Variants in APBA2 observed in about 807,000 individuals in gnomAD.
The protein encoded by APBA2 is amyloid beta precursor protein binding family A member 2.
Under a neutral mutation model 75.0 loss-of-function variants are expected in APBA2, and 30 were observed. The observed-to-expected ratio is 0.40, with a 90% CI of 0.30 to 0.54. The LOEUF is 0.54. Ranked by LOEUF, APBA2 falls within the 20% of genes least tolerant of loss-of-function variation. The pLI is 0.49. For synonymous variants in APBA2, 444 were observed against 409.6 expected (o/e 1.08, Z -1.01); for missense variants, 801 against 1,016.1 (o/e 0.79, Z 2.88).
chr15:28,903,285 C>T (rs1185558144), intron 1 of APBA2, among the ~76,000 whole-genome samples: 1 of 152,180 alleles, frequency 6.6e-6, no homozygotes, highest in African/African-American at 2.4e-5. Context: ...ATATTGGTCA[C>T]GATAGACGAT....
chr15:28,946,972 G>C (rs911910069), intron 2 of APBA2, among the ~76,000 whole-genome samples: 1 of 152,206 alleles, frequency 6.6e-6, no homozygotes, highest in South Asian at 2.1e-4. Flanking sequence ...AGCAGCCATA[G>C]GAAGCTAACA....
intron 4 of APBA2, among the ~76,000 whole-genome samples, chr15:29,069,036 C>A (rs1427856677): frequency 6.6e-6 from 1 of 152,172 alleles, no homozygotes; most frequent in African/African-American, 2.4e-5. Flanking sequence ...CGCCCCCAGC[C>A]CCCACAGTGA....
At chr15:29,114,135 C>A in intron 14 of APBA2, 119 bp downstream of exon 14, 1 of 1,437,666 alleles carries the variant, frequency 7.0e-7, no homozygotes, top group Non-Finnish European at 9.7e-7. Context: ...CAGGCTGTGT[C>A]TCCCATCGGG....
chr15:28,977,006 T>A (rs1215473114), intron 2 of APBA2: 1 of 152,224 alleles, frequency 6.6e-6, no homozygotes, highest in Non-Finnish European at 1.5e-5. Context: ...TTAAAGTCTA[T>A]TCACAATGAG....
chr15:28,897,668 G>T (rs2032589978), intron 1 of APBA2, among the ~76,000 whole-genome samples: 1 of 151,502 alleles, frequency 6.6e-6, no homozygotes, highest in Non-Finnish European at 1.5e-5. Context: ...GCAGGTGTCG[G>T]TGAGGATGTG....
chr15:28,970,029 C>T (rs2036981973), intron 2 of APBA2, among the ~76,000 whole-genome samples: 1 of 152,174 alleles, frequency 6.6e-6, no homozygotes, highest in Admixed American at 6.5e-5. Context: ...TCAGACTGGA[C>T]AGCTTGGCCT....
At chr15:29,001,493 G>C (rs1319974989) in intron 3 of APBA2, among the ~76,000 whole-genome samples, 1 of 152,222 alleles carries the variant, frequency 6.6e-6, no homozygotes, top group East Asian at 1.9e-4. Context: ...TTACAGGCAT[G>C]AGCCACTGCC....
intron 3 of APBA2, among the ~76,000 whole-genome samples, chr15:29,002,515 C>A (rs991178979): frequency 7.9e-5 from 12 of 151,620 alleles, no homozygotes; most frequent in African/African-American, 2.2e-4. Flanking sequence ...CATAAGAAAC[C>A]CTCATTACAA....
chr15:28,933,967 A>G (rs990961032), intron 2 of APBA2, among the ~76,000 whole-genome samples: 3 of 151,774 alleles, frequency 2.0e-5, no homozygotes, highest in Non-Finnish European at 4.4e-5. Flanking sequence ...CCCAGGAGAA[A>G]GGGGGGCATG....
At chr15:28,956,563 A>C (rs1232644679) in intron 2 of APBA2, among the ~76,000 whole-genome samples, 3 of 152,250 alleles carry the variant, frequency 2.0e-5, no homozygotes, top group Non-Finnish European at 4.4e-5. Context: ...AAAATTGTGT[A>C]AAATACACAT....
At chr15:29,115,494 G>C (rs988465468) in intron 14 of APBA2, among the ~76,000 whole-genome samples, 1 of 152,090 alleles carries the variant, frequency 6.6e-6, no homozygotes, top group Admixed American at 6.5e-5. Context: ...GCTTTGAAGC[G>C]GCCGCCCCCA....
intron 5 of APBA2, 35 bp downstream of exon 5, chr15:29,075,036 A>T: frequency 6.7e-7 from 1 of 1,488,438 alleles, no homozygotes; most frequent in Non-Finnish European, 9.3e-7. Context: ...TCTGGGCTGG[A>T]ACACTCATCT....
chr15:28,974,390 T>C (rs533166285), intron 2 of APBA2, among the ~76,000 whole-genome samples: 1 of 152,216 alleles, frequency 6.6e-6, no homozygotes, highest in Non-Finnish European at 1.5e-5. Context: ...TTCCAGGACA[T>C]TGTGACTGCC....
chr15:28,987,725 G>GATATATAT (rs1469936230), intron 2 of APBA2, among the ~76,000 whole-genome samples: 1,189 of 118,374 alleles, frequency 0.01, 49 homozygotes, highest in African/African-American at 0.042. Context: ...AATATGTGGA[G>GATATATAT]AGAGATATAT....
chr15:29,053,773 G>A, intron 3 of APBA2, 72 bp from the exon 4 acceptor site: 1 of 936,892 alleles, frequency 1.1e-6, no homozygotes, highest in Non-Finnish European at 1.6e-6. Context: ...AGGTGCTGTG[G>A]TGAAGTGGCC....
chr15:28,911,581 T>G (rs2033431276), intron 1 of APBA2, among the ~76,000 whole-genome samples: 1 of 152,236 alleles, frequency 6.6e-6, no homozygotes, highest in African/African-American at 2.4e-5. Flanking sequence ...TGTGTTCTTT[T>G]TCTTTGTTCA....
At chr15:29,035,678 A>T (rs927196958) in intron 3 of APBA2, among the ~76,000 whole-genome samples, 2 of 152,134 alleles carry the variant, frequency 1.3e-5, no homozygotes, top group Non-Finnish European at 2.9e-5. Flanking sequence ...GTGGTGTTCC[A>T]CGTTCGAAGC....
At chr15:28,947,795 T>A (rs150183836) in intron 2 of APBA2, among the ~76,000 whole-genome samples, 21 of 152,366 alleles carry the variant, frequency 1.4e-4, no homozygotes, top group African/African-American at 4.8e-4. Flanking sequence ...TTTTACTCAG[T>A]ACCAGGACTA....
chr15:29,098,450 T>C (rs762834143), intron 8 of APBA2, 40 bp from the exon 9 acceptor site: 1 of 1,433,008 alleles, frequency 7.0e-7, no homozygotes, highest in Non-Finnish European at 9.9e-7. Flanking sequence ...CTATTCCGAG[T>C]TGGTTTTTGG....
Sources: gnomAD v4.1 joint callset for allele counts (sites outside exome capture counted in the v4.1 genomes callset) on GRCh38, gnomAD v4.1.1 for gene constraint, MANE v1.5 for transcripts, NCBI Gene and HGNC (gene_info 2026-07-23, HGNC 2026-07-21) for gene names.